Variants in HSD17B6 observed in about 807,000 individuals in gnomAD.
HSD17B6 encodes 17-beta-hydroxysteroid dehydrogenase type 6.
HSD17B6 carries 16 observed loss-of-function variants against 26.4 expected under a neutral mutation model. That is an observed-to-expected ratio of 0.61 (90% CI 0.41 to 0.92). The LOEUF (loss-of-function observed/expected upper bound fraction) is 0.92. Ranked by LOEUF, HSD17B6 falls within the 40% of genes least tolerant of loss-of-function variation. HSD17B6 has a pLI of 0.00. For missense variants in HSD17B6, 357 were observed against 386.1 expected, an observed-to-expected ratio of 0.92 and a Z score of 0.63; for synonymous variants, 139 against 153.0, an observed-to-expected ratio of 0.91 and a Z score of 0.68.
chr12:56,764,759 G>C (rs1022944409), intron 1 of HSD17B6, among the ~76,000 whole-genome samples: 10 of 152,180 alleles, frequency 6.6e-5, no homozygotes, highest in African/African-American at 2.4e-4. Context: ...TGCAGAACAA[G>C]TAAATCTCGA....
intron 2 of HSD17B6, among the ~76,000 whole-genome samples, chr12:56,776,330 G>T (rs1954593028): frequency 7.2e-6 from 1 of 138,690 alleles, no homozygotes; most frequent in African/African-American, 2.8e-5. Flanking sequence ...TTTGAGACAG[G>T]ATCTTGCTCT....
chr12:56,772,893 T>A (rs546469640), intron 1 of HSD17B6, among the ~76,000 whole-genome samples: 2 of 152,164 alleles, frequency 1.3e-5, no homozygotes, highest in South Asian at 4.1e-4. Context: ...GACATTCATG[T>A]CAAACTAAGG....
At chr12:56,774,795 C>T (rs1954555193) in intron 2 of HSD17B6, among the ~76,000 whole-genome samples, 1 of 152,232 alleles carries the variant, frequency 6.6e-6, no homozygotes. Context: ...ACTGCTGCCA[C>T]TGACCTGACA....
chr12:56,779,159 C>T (rs1000469708), intron 2 of HSD17B6, among the ~76,000 whole-genome samples: 1 of 151,462 alleles, frequency 6.6e-6, no homozygotes, highest in Non-Finnish European at 1.5e-5. Flanking sequence ...TTTTTAGAGG[C>T]AAAGTCTCAC....
chr12:56,778,519 C>T (rs1236892900), intron 2 of HSD17B6, among the ~76,000 whole-genome samples: 3 of 151,988 alleles, frequency 2.0e-5, no homozygotes, highest in Non-Finnish European at 4.4e-5. Flanking sequence ...TCAGGTGATC[C>T]GCCCGCCTCG....
intron 1 of HSD17B6, among the ~76,000 whole-genome samples, chr12:56,770,991 C>T (rs1050744887): frequency 6.6e-6 from 1 of 152,154 alleles, no homozygotes; most frequent in Non-Finnish European, 1.5e-5. Context: ...TTGTGGCACC[C>T]TCCGATCTGC....
chr12:56,783,369 GC>G (rs1404154791), intron 3 of HSD17B6, among the ~76,000 whole-genome samples: 1 of 110,146 alleles, frequency 9.1e-6, no homozygotes, highest in Non-Finnish European at 2.0e-5. Flanking sequence ...AGGGGGCTGA[GC>G]CCCCCACCTC....
chr12:56,773,174 C>T (rs1954515209), intron 1 of HSD17B6, among the ~76,000 whole-genome samples: 1 of 152,194 alleles, frequency 6.6e-6, no homozygotes, highest in Admixed American at 6.5e-5. Context: ...ACTATTGGAT[C>T]TCCTAATGGA....
At chr12:56,778,910 C>T (rs1204957324) in intron 2 of HSD17B6, among the ~76,000 whole-genome samples, 2 of 149,850 alleles carry the variant, frequency 1.3e-5, no homozygotes, top group African/African-American at 4.9e-5. Context: ...TTCCTGACCT[C>T]GGGATCCGCT....
intron 3 of HSD17B6, 96 bp downstream of exon 3, chr12:56,782,328 A>G: frequency 9.1e-7 from 1 of 1,095,316 alleles, no homozygotes; most frequent in Non-Finnish European, 1.3e-6. Context: ...ATCACTCCTC[A>G]AATCTTGATA....
intron 1 of HSD17B6, among the ~76,000 whole-genome samples, chr12:56,763,830 G>A (rs1389865111): frequency 1.3e-5 from 2 of 151,996 alleles, no homozygotes; most frequent in Non-Finnish European, 2.9e-5. Context: ...AACTCTGAGA[G>A]GTTGAGGAGT....
intron 1 of HSD17B6, among the ~76,000 whole-genome samples, chr12:56,768,953 A>G (rs577113286): frequency 9.3e-4 from 141 of 151,898 alleles, no homozygotes; most frequent in African/African-American, 3.3e-3. Flanking sequence ...TAAGGAGGCA[A>G]ATGAAACTGT....
In HSD17B6 at chr12:56,782,015, A is replaced by G; in HGVS notation, c.355A>G (p.Ile119Val). The G allele has an allele frequency of 2.5e-6, 4 of 1,614,126 alleles. No homozygotes were observed. Among genetic ancestry groups the G allele is most frequent in the Non-Finnish European group, 3.4e-6 (4 of 1,180,008 alleles). Residue 119 changes from isoleucine to valine, a missense_variant, in exon 3 of 5, where the codon ATT (isoleucine) becomes GTT (valine). Physicochemically the swap from Ile to Val is conservative, Grantham distance 29. Transcript: ENST00000322165. ...GAACAATGCAGGCATTCTTACACCA[A>G]TTACCTTATGTGAGTGGCTGAACAC... Reference protein sequence around the residue: ...LVNNAGILTPITLCEWLNTED... With the variant: ...LVNNAGILTPVTLCEWLNTED...
Position 56,766,326 on chromosome 12 carries a change from G to A in HSD17B6, c.-20+2912G>A, listed in dbSNP as rs150912840. The stretch of plus-strand genomic sequence containing the variant: ...GGGACGCGTGTGACAAAAGGTAGTC[G>A]GAATCATCCAGAGTAGTCTTGTTGG... On this transcript the variant is annotated intron_variant, in intron 1 of 4. Transcript: ENST00000322165. Among the ~76,000 whole-genome samples, 237 of 152,200 alleles carry A rather than the reference G, an allele frequency of 1.6e-3. 2 individuals are homozygous for A. Among genetic ancestry groups the A allele is most frequent in the African/African-American group, 5.5e-3 (227 of 41,524 alleles).
chr12:56,772,026 C>T (rs575169722), intron 1 of HSD17B6, among the ~76,000 whole-genome samples: 198 of 152,204 alleles, frequency 1.3e-3, no homozygotes, highest in African/African-American at 4.7e-3. Flanking sequence ...GAGACCTCCC[C>T]AGCCATGTGG....
rs199619744 is a variant in HSD17B6, at chr12:56,767,781, ATGTATATATAATATATATGTG to A, written c.-20+4398_-20+4418del. Among the ~76,000 whole-genome samples the A allele has an allele frequency of 2.6e-3, 379 of 146,540 alleles. 6 individuals carry two copies. The East Asian group carries it at 0.035, about 14-fold the overall frequency. On this transcript the variant is annotated intron_variant, in intron 1 of 4. Coordinates refer to ENST00000322165, the MANE Select transcript of HSD17B6 (RefSeq NM_003725.4). Reference sequence around the variant, plus strand: ...TATATGTGTATATATTGTGTATATTATGTATATATAATATATATGTGTGTATATATAATATATATGTGTGTA... The same window carrying A: ...TATATGTGTATATATTGTGTATATTATGTATATATAATATATATGTGTGTA...
chr12:56,770,844 T>G (rs574650898), intron 1 of HSD17B6, among the ~76,000 whole-genome samples: 1 of 152,264 alleles, frequency 6.6e-6, no homozygotes, highest in Admixed American at 6.5e-5. Context: ...CTGGACCATT[T>G]TTTGTCCCCT....
intron 1 of HSD17B6, among the ~76,000 whole-genome samples, chr12:56,767,638 TA>T (rs1279460944): frequency 7.1e-6 from 1 of 140,628 alleles, no homozygotes; most frequent in Non-Finnish European, 1.5e-5. Flanking sequence ...TATATTATAT[TA>T]ATATATTATA....
intron 3 of HSD17B6, among the ~76,000 whole-genome samples, chr12:56,783,548 C>A (rs1353182544): frequency 1.4e-5 from 2 of 145,922 alleles, no homozygotes; most frequent in Admixed American, 1.3e-4. Context: ...GGGCTGAACC[C>A]CCCCCACCTC....
Sources: allele counts gnomAD v4.1 joint callset (sites outside exome capture counted in the v4.1 genomes callset), GRCh38; gene constraint gnomAD v4.1.1; transcripts MANE v1.5; gene names NCBI Gene and HGNC (gene_info 2026-07-23, HGNC 2026-07-21).